Variants in SLC10A7 observed in about 807,000 individuals in gnomAD.
The protein encoded by SLC10A7 is sodium/bile acid cotransporter 7.
Under a neutral mutation model 43.2 loss-of-function variants are expected in SLC10A7, and 29 were observed. That is an observed-to-expected ratio of 0.67 (90% CI 0.50 to 0.92). The LOEUF is 0.92. Ranked by LOEUF, SLC10A7 falls within the 40% of genes least tolerant of loss-of-function variation. The probability of loss-of-function intolerance (pLI) is 0.00; values close to 1 mark genes in which losing one functional copy is unlikely to be tolerated. For missense variants in SLC10A7, 295 were observed against 403.2 expected (o/e 0.73, Z 2.30); for synonymous variants, 152 against 144.8 (o/e 1.05, Z -0.35).
chr4:146,281,396 C>CAAAAAAAAAAAAAA, intron 10 of SLC10A7, among the ~76,000 whole-genome samples: 1 of 74,930 alleles, frequency 1.3e-5, no homozygotes, highest in East Asian at 3.4e-4. Flanking sequence ...GAAGTAAAAT[C>CAAAAAAAAAAAAAA]AAAAAAAAAA....
chr4:146,429,232 G>C (rs577460905), intron 5 of SLC10A7, among the ~76,000 whole-genome samples: 1 of 152,136 alleles, frequency 6.6e-6, no homozygotes, highest in East Asian at 1.9e-4. Context: ...GACCAATTAT[G>C]GTCAAAACAG....
chr4:146,516,929 AT>A, intron 2 of SLC10A7, 108 bp downstream of exon 2: 1 of 768,096 alleles, frequency 1.3e-6, no homozygotes, highest in Non-Finnish European at 2.1e-6. Context: ...GCTATAGTGA[AT>A]CCTTCAGATT....
At chr4:146,365,080 A>C (rs984175432) in intron 5 of SLC10A7, among the ~76,000 whole-genome samples, 4 of 152,150 alleles carry the variant, frequency 2.6e-5, no homozygotes, top group Non-Finnish European at 4.4e-5. Flanking sequence ...TGAACTGATC[A>C]AAGTATCAAA....
At chr4:146,257,933 T>C (rs1054862332) in intron 11 of SLC10A7, among the ~76,000 whole-genome samples, 1 of 152,176 alleles carries the variant, frequency 6.6e-6, no homozygotes, top group Non-Finnish European at 1.5e-5. Flanking sequence ...GCACTTGTCA[T>C]TGGATACCTC....
At chr4:146,263,605 A>C (rs993741844) in intron 10 of SLC10A7, among the ~76,000 whole-genome samples, 3 of 152,248 alleles carry the variant, frequency 2.0e-5, no homozygotes, top group Non-Finnish European at 4.4e-5. Context: ...AAATGAAGCA[A>C]ATTAATTTTA....
intron 7 of SLC10A7, among the ~76,000 whole-genome samples, chr4:146,299,436 T>A (rs1040975713): frequency 6.6e-6 from 1 of 152,156 alleles, no homozygotes; most frequent in Non-Finnish European, 1.5e-5. Context: ...TAATGATACA[T>A]ACTAAGCTGA....
At chr4:146,486,142 C>T (rs1481087889) in intron 4 of SLC10A7, among the ~76,000 whole-genome samples, 2 of 152,090 alleles carry the variant, frequency 1.3e-5, no homozygotes, top group African/African-American at 4.8e-5. Context: ...ATCACAACTC[C>T]TGAAGTAATA....
At chr4:146,339,022 T>C (rs906793480) in intron 5 of SLC10A7, among the ~76,000 whole-genome samples, 2 of 151,776 alleles carry the variant, frequency 1.3e-5, no homozygotes, top group African/African-American at 2.4e-5. Flanking sequence ...TGAAGTTCAA[T>C]GAGGACAGAG....
intron 5 of SLC10A7, among the ~76,000 whole-genome samples, chr4:146,403,663 G>T (rs1739374623): frequency 6.6e-6 from 1 of 152,124 alleles, no homozygotes; most frequent in Non-Finnish European, 1.5e-5. Flanking sequence ...TCCTAAAAAT[G>T]GAACTGATCC....
chr4:146,340,931 C>G (rs975526348), intron 5 of SLC10A7, among the ~76,000 whole-genome samples: 1 of 151,704 alleles, frequency 6.6e-6, no homozygotes, highest in Non-Finnish European at 1.5e-5. Context: ...AATTGAAAAT[C>G]TATGTTAACA....
chr4:146,473,135 C>T (rs764346788), intron 4 of SLC10A7, among the ~76,000 whole-genome samples: 5 of 152,186 alleles, frequency 3.3e-5, no homozygotes, highest in African/African-American at 4.8e-5. Context: ...AATCCAAGCA[C>T]ATCCTAAGGT....
chr4:146,303,623 G>A (rs1352829021), intron 7 of SLC10A7, among the ~76,000 whole-genome samples: 7 of 151,936 alleles, frequency 4.6e-5, no homozygotes, highest in East Asian at 1.9e-4. Flanking sequence ...CAGGTGATCC[G>A]CCCATCTCAG....
chr4:146,297,355 T>C (rs1369580193), intron 7 of SLC10A7, among the ~76,000 whole-genome samples: 2 of 152,216 alleles, frequency 1.3e-5, no homozygotes, highest in Non-Finnish European at 2.9e-5. Context: ...TCTGTGCTTC[T>C]AATAAATGGA....
At chr4:146,447,094 T>G (rs1731159542) in intron 4 of SLC10A7, among the ~76,000 whole-genome samples, 1 of 152,144 alleles carries the variant, frequency 6.6e-6, no homozygotes, top group Non-Finnish European at 1.5e-5. Flanking sequence ...CACATCGTTT[T>G]CAAAACAGTA....
chr4:146,409,903 C>T (rs1728054206), intron 5 of SLC10A7, among the ~76,000 whole-genome samples: 1 of 152,112 alleles, frequency 6.6e-6, no homozygotes, highest in Non-Finnish European at 1.5e-5. Flanking sequence ...AAAGTGATAT[C>T]CTTTGCTGTG....
intron 5 of SLC10A7, among the ~76,000 whole-genome samples, chr4:146,420,020 T>A (rs1728841584): frequency 6.6e-6 from 1 of 151,922 alleles, no homozygotes; most frequent in South Asian, 2.1e-4. Flanking sequence ...TACCAAGAAA[T>A]GTATGAGAAT....
chr4:146,470,627 A>C (rs1299670708), intron 4 of SLC10A7, among the ~76,000 whole-genome samples: 5 of 152,204 alleles, frequency 3.3e-5, no homozygotes, highest in Non-Finnish European at 7.3e-5. Context: ...TCAAACTTGA[A>C]CACAGTTTTT....
At chr4:146,347,100 G>A (rs527746871) in intron 5 of SLC10A7, among the ~76,000 whole-genome samples, 7 of 152,268 alleles carry the variant, frequency 4.6e-5, no homozygotes, top group African/African-American at 1.7e-4. Context: ...TGATCAGTAA[G>A]AATGGCCCAG....
chr4:146,394,199 C>A (rs1010415080), intron 5 of SLC10A7, among the ~76,000 whole-genome samples: 1 of 152,152 alleles, frequency 6.6e-6, no homozygotes, highest in African/African-American at 2.4e-5. Flanking sequence ...TCTCATAATC[C>A]ATGGTTATAA....
Sources: gnomAD v4.1 joint callset for allele counts (sites outside exome capture counted in the v4.1 genomes callset) on GRCh38, gnomAD v4.1.1 for gene constraint, MANE v1.5 for transcripts, NCBI Gene and HGNC (gene_info 2026-07-23, HGNC 2026-07-21) for gene names.